The following COL22A1 variants were observed in gnomAD, a reference collection of about 807,000 sequenced individuals.
COL22A1 encodes the protein collagen alpha-1(XXII) chain.
In COL22A1, 221 loss-of-function variants were observed where a neutral mutation model predicts 248.9. That is an observed-to-expected ratio of 0.89 (90% CI 0.80 to 0.99). COL22A1 has a LOEUF of 0.99. COL22A1 is among the 50% of genes least tolerant of loss of function. The pLI, the probability that COL22A1 is intolerant of heterozygous loss-of-function variation, is 0.00. For synonymous variants in COL22A1, 891 were observed against 793.4 expected (o/e 1.12, Z -2.07); for missense variants, 2,240 against 2,179.0 (o/e 1.03, Z -0.56).
chr8:138,723,804 G>A (rs1041896478), intron 25 of COL22A1, among the ~76,000 whole-genome samples: 3 of 152,186 alleles, frequency 2.0e-5, no homozygotes, highest in African/African-American at 7.2e-5. Context: ...TGGGGAGGAC[G>A]CTGGTGTTAC....
At chr8:138,906,022 T>C (rs1476506447) in intron 1 of COL22A1, among the ~76,000 whole-genome samples, 2 of 152,134 alleles carry the variant, frequency 1.3e-5, no homozygotes, top group Admixed American at 6.5e-5. Context: ...TTCCACTATA[T>C]TCCTTAGGGG....
intron 5 of COL22A1, among the ~76,000 whole-genome samples, chr8:138,829,946 GTA>G (rs969054010): frequency 7.2e-4 from 109 of 151,956 alleles, no homozygotes; most frequent in African/African-American, 2.4e-3. Flanking sequence ...GCATGTGTGT[GTA>G]TATATATATG....
intron 26 of COL22A1, among the ~76,000 whole-genome samples, 182 bp downstream of exon 26, chr8:138,721,854 A>C (rs1210754308): frequency 3.3e-5 from 5 of 152,360 alleles, no homozygotes; most frequent in East Asian, 1.9e-4. Context: ...ATCCTTCTGC[A>C]GTTATCTGAG....
chr8:138,665,429 AC>A (rs940519928), intron 41 of COL22A1, among the ~76,000 whole-genome samples: 4 of 152,216 alleles, frequency 2.6e-5, no homozygotes, highest in African/African-American at 9.6e-5. Context: ...AAGGAAGCTC[AC>A]CCATCTTTGT....
chr8:138,759,955 A>T (rs969897418), intron 18 of COL22A1, among the ~76,000 whole-genome samples: 3 of 151,818 alleles, frequency 2.0e-5, no homozygotes, highest in African/African-American at 7.2e-5. Flanking sequence ...ATTTTAATAC[A>T]TCTAAATATT....
Position 138,812,923 on chromosome 8 carries a change from G to C in COL22A1, c.1326+16C>G. 3 of 1,593,962 alleles carry C rather than the reference G, an allele frequency of 1.9e-6. No homozygotes were observed. Among genetic ancestry groups the C allele is most frequent in the Non-Finnish European group, 2.6e-6 (3 of 1,161,632 alleles). On this transcript the variant is annotated intron_variant, in intron 8 of 64. Transcript: ENST00000303045. ...ACCCATTTCCTCCCATCCTCTCTGTGCGAGAGTCTGCTCACCGGACCCGAG... is the reference window on the plus strand; with the variant it reads ...ACCCATTTCCTCCCATCCTCTCTGTCCGAGAGTCTGCTCACCGGACCCGAG...
intron 6 of COL22A1, among the ~76,000 whole-genome samples, chr8:138,825,355 G>A (rs982931719): frequency 1.3e-5 from 2 of 152,156 alleles, no homozygotes; most frequent in African/African-American, 4.8e-5. Context: ...TGGAACAGAA[G>A]CCAGCTGAGC....
intron 17 of COL22A1, 35 bp from the exon 18 acceptor site, chr8:138,760,322 G>A: frequency 6.3e-7 from 1 of 1,584,108 alleles, no homozygotes; most frequent in Non-Finnish European, 8.6e-7. Context: ...ATTATGATGG[G>A]CACTACGGAT....
At chr8:138,898,869 C>T (rs149319040) in intron 1 of COL22A1, among the ~76,000 whole-genome samples, 7 of 152,252 alleles carry the variant, frequency 4.6e-5, no homozygotes, top group Non-Finnish European at 2.9e-5. Flanking sequence ...TCCTTCCTTG[C>T]TCTCTTGTTT....
chr8:138,792,776 G>A (rs552324692), intron 12 of COL22A1, among the ~76,000 whole-genome samples: 1 of 152,288 alleles, frequency 6.6e-6, no homozygotes, highest in Non-Finnish European at 1.5e-5. Flanking sequence ...TATATTCAGT[G>A]TATGGGCCAA....
rs150805445 is a variant in COL22A1, at chr8:138,792,648, T to C, written c.1596+4171A>G. Among the ~76,000 whole-genome samples, 892 of 152,330 alleles carry C rather than the reference T, an allele frequency of 5.9e-3. 5 individuals are homozygous for C. Among genetic ancestry groups the C allele is most frequent in the Non-Finnish European group, 9.3e-3 (636 of 68,032 alleles). On this transcript the variant is annotated intron_variant, in intron 12 of 64. Coordinates refer to ENST00000303045, the MANE Select transcript of COL22A1 (RefSeq NM_152888.3). ...TACTTGGAGAATGACTCAGACCTGA[T>C]TCTTGCTCAGTCTTTCTGAAGTTGC...
intron 55 of COL22A1, 60 bp downstream of exon 55, chr8:138,615,941 C>T: frequency 1.5e-6 from 2 of 1,316,716 alleles, no homozygotes; most frequent in Admixed American, 1.7e-5. Context: ...CTGGGTGTCA[C>T]TTCCTTGATA....
chr8:138,789,632 T>A (rs1053601288), intron 12 of COL22A1, among the ~76,000 whole-genome samples: 1 of 152,240 alleles, frequency 6.6e-6, no homozygotes, highest in African/African-American at 2.4e-5. Context: ...TGAGGGTCAA[T>A]AATTCCCAGA....
At chr8:138,798,969 G>A (rs879907878) in intron 11 of COL22A1, among the ~76,000 whole-genome samples, 11 of 152,210 alleles carry the variant, frequency 7.2e-5, no homozygotes, top group Admixed American at 6.5e-4. Context: ...CCCAGTAGGT[G>A]CAGATTCATG....
intron 22 of COL22A1, among the ~76,000 whole-genome samples, chr8:138,738,960 A>C (rs73445012): frequency 1.2e-3 from 190 of 152,174 alleles, no homozygotes; most frequent in African/African-American, 4.4e-3. Context: ...TGCTTCTCTC[A>C]CTGCCCAGCA....
rs113537470 is a variant in COL22A1, at chr8:138,643,028, TAA to T, written c.3501+3599_3501+3600del. Among the ~76,000 whole-genome samples, 537 of 130,490 alleles carry T rather than the reference TAA, an allele frequency of 4.1e-3. 1 individual carries two copies. The highest frequency in any genetic ancestry group is 0.013 in the African/African-American group (465 of 36,306). The allele number at this position is 130,490 out of a possible 152,430, so 85.6% of individuals were successfully genotyped here. The stretch of plus-strand genomic sequence containing the variant: ...TGGGCAACAGAGCAAGACTCTATCT[TAA>T]AAAAAAAAAAAAAAAGGCAATTCCC... On this transcript the variant is annotated intron_variant, in intron 47 of 64. Coordinates refer to ENST00000303045, the MANE Select transcript of COL22A1 (RefSeq NM_152888.3).
At chr8:138,882,921 G>A (rs1227685408) in intron 2 of COL22A1, among the ~76,000 whole-genome samples, 161 bp downstream of exon 2, 1 of 152,118 alleles carries the variant, frequency 6.6e-6, no homozygotes, top group Non-Finnish European at 1.5e-5. Flanking sequence ...TTGTCCCTAG[G>A]TTAGAAGGCA....
chr8:138,602,563 T>A (rs138294725), intron 59 of COL22A1, among the ~76,000 whole-genome samples: 1 of 152,296 alleles, frequency 6.6e-6, no homozygotes, highest in Non-Finnish European at 1.5e-5. Context: ...CTGTTCCTTG[T>A]CTTGCCCTGT....
intron 22 of COL22A1, 50 bp downstream of exon 22, chr8:138,751,399 TAAAATAGGG>T: frequency 8.2e-7 from 1 of 1,217,542 alleles, no homozygotes; most frequent in South Asian, 1.3e-5. Flanking sequence ...CATGGCATTA[TAAAATAGGG>T]ACCAGTGTGG....
Sources: allele counts gnomAD v4.1 joint callset (sites outside exome capture counted in the v4.1 genomes callset), GRCh38; gene constraint gnomAD v4.1.1; transcripts MANE v1.5; gene names NCBI Gene and HGNC (gene_info 2026-07-23, HGNC 2026-07-21).